Variants in DSTN observed in about 807,000 individuals in gnomAD.
DSTN encodes destrin, actin depolymerizing factor.
Under a neutral mutation model 16.8 loss-of-function variants are expected in DSTN, and 10 were observed. The observed-to-expected ratio is 0.60, with a 90% CI of 0.37 to 1.01. The LOEUF (loss-of-function observed/expected upper bound fraction) is 1.01, where lower values mean the gene tolerates loss of function less well. Ranked by LOEUF, DSTN falls within the 50% of genes least tolerant of loss-of-function variation. The probability of loss-of-function intolerance (pLI) is 0.01; values close to 1 mark genes in which losing one functional copy is unlikely to be tolerated. For synonymous variants in DSTN, 57 were observed against 58.9 expected, an observed-to-expected ratio of 0.97 and a Z score of 0.14; for missense variants, 141 against 196.7, an observed-to-expected ratio of 0.72 and a Z score of 1.69.
chr20:17,597,221 GT>G (rs1406664058), intron 1 of DSTN, among the ~76,000 whole-genome samples: 1 of 152,198 alleles, frequency 6.6e-6, no homozygotes, highest in Non-Finnish European at 1.5e-5. Flanking sequence ...AATTAGGAAT[GT>G]GGTAATATTG....
intron 1 of DSTN, among the ~76,000 whole-genome samples, chr20:17,583,077 T>A (rs1431056056): frequency 6.6e-6 from 1 of 152,190 alleles, no homozygotes; most frequent in African/African-American, 2.4e-5. Flanking sequence ...TGCAAATGAC[T>A]AATAAGCCAA....
intron 1 of DSTN, among the ~76,000 whole-genome samples, chr20:17,592,711 A>G (rs551447782): frequency 3.9e-5 from 6 of 152,316 alleles, no homozygotes; most frequent in African/African-American, 1.2e-4. Context: ...CAGTGGGGAA[A>G]TTAAGGAAAG....
Position 17,600,943 on chromosome 20 carries a change from A to T in DSTN, c.209A>T (p.His70Leu). Residue 70 changes from histidine (H) to leucine (L), a missense_variant, in exon 2 of 4, where the codon CAT (histidine) becomes CTT (leucine). Coordinates refer to ENST00000246069, the MANE Select transcript of DSTN (RefSeq NM_006870.4). ...GTAACCATAACTGATCCTTTCAAGCATTTTGTGGGAATGCTTCCTGAAAAA... is the reference window on the plus strand; with the variant it reads ...GTAACCATAACTGATCCTTTCAAGCTTTTTGTGGGAATGCTTCCTGAAAAA... ...VGVTITDPFK[H>L]FVGMLPEKDC... 6.2e-7 allele frequency: 1 copy of T among 1,614,092 alleles called. No homozygotes were observed. The highest frequency in any genetic ancestry group is 8.5e-7 in the Non-Finnish European group (1 of 1,179,968).
At chr20:17,585,371 A>C (rs2035393936) in intron 1 of DSTN, among the ~76,000 whole-genome samples, 1 of 152,218 alleles carries the variant, frequency 6.6e-6, no homozygotes, top group African/African-American at 2.4e-5. Context: ...CAGGTAGATT[A>C]GTTAACCAGC....
At chr20:17,585,616 A>G (rs1461215399) in intron 1 of DSTN, among the ~76,000 whole-genome samples, 1 of 152,146 alleles carries the variant, frequency 6.6e-6, no homozygotes, top group Non-Finnish European at 1.5e-5. Flanking sequence ...AAGTTCTGGA[A>G]GTTTTGACAC....
chr20:17,606,977 TAGAGAA>T, intron 3 of DSTN, 54 bp from the exon 4 acceptor site: 7 of 1,565,326 alleles, frequency 4.5e-6, no homozygotes, highest in Non-Finnish European at 6.1e-6. Flanking sequence ...TTGGTTATCT[TAGAGAA>T]AGAGGTAAAC....
intron 1 of DSTN, among the ~76,000 whole-genome samples, chr20:17,594,960 C>T (rs1381389541): frequency 6.6e-6 from 1 of 152,144 alleles, no homozygotes; most frequent in Admixed American, 6.5e-5. Flanking sequence ...GCCTTTGAGA[C>T]ACACAACTGG....
At chr20:17,592,230 A>G (rs2035477341) in intron 1 of DSTN, among the ~76,000 whole-genome samples, 1 of 152,106 alleles carries the variant, frequency 6.6e-6, no homozygotes, top group Admixed American at 6.5e-5. Context: ...GTTCGAGACC[A>G]GTCTGGGCAA....
intron 1 of DSTN, among the ~76,000 whole-genome samples, chr20:17,587,977 A>G (rs1307834678): frequency 6.6e-6 from 1 of 152,250 alleles, no homozygotes; most frequent in Admixed American, 6.5e-5. Flanking sequence ...TCTTCACCTT[A>G]TGTAAAATGC....
At position 17,609,887 on chromosome 20, in the gene DSTN, AAGC is replaced by A. The variant is rs2035681187; in HGVS notation, c.*2746_*2748del. 6.6e-6 allele frequency: 1 copy of A among 152,260 alleles called. No individual in the cohort carries two copies. The highest frequency in any genetic ancestry group is 2.4e-5 in the African/African-American group (1 of 41,472). 9.4% of individuals were successfully genotyped at this position (152,260 alleles called of 1,614,324 possible). ...TAGCGGTTACTCTCTTGCCCTGACA[AAGC>A]AGCAAATAAAGCCATTGCTAACAAT... On this transcript the variant is annotated 3_prime_UTR_variant, in exon 4 of 4. Coordinates refer to ENST00000246069, the MANE Select transcript of DSTN (RefSeq NM_006870.4).
At chr20:17,594,834 A>G (rs961507285) in intron 1 of DSTN, among the ~76,000 whole-genome samples, 1 of 152,240 alleles carries the variant, frequency 6.6e-6, no homozygotes, top group African/African-American at 2.4e-5. Context: ...TGCTAAGAAC[A>G]TCTCTTAGGC....
chr20:17,586,348 G>A (rs1006448371), intron 1 of DSTN, among the ~76,000 whole-genome samples: 3 of 152,154 alleles, frequency 2.0e-5, no homozygotes, highest in African/African-American at 7.2e-5. Flanking sequence ...TAGGAAAAGG[G>A]ACATATTTTA....
intron 1 of DSTN, among the ~76,000 whole-genome samples, chr20:17,572,335 C>T (rs117266615): frequency 0.012 from 1,761 of 151,804 alleles, 16 homozygotes; most frequent in Non-Finnish European, 0.019. Context: ...CCAAACAAAA[C>T]GTGTGTGTGT....
In DSTN at chr20:17,601,742, A is replaced by C. The variant is rs529494148; in HGVS notation, c.311+697A>C. Among the ~76,000 whole-genome samples, 49 of 152,216 alleles carry C rather than the reference A, an allele frequency of 3.2e-4. 1 individual carries two copies. The highest frequency in any genetic ancestry group is 1.1e-3 in the African/African-American group (47 of 41,554). On this transcript the variant is annotated intron_variant, in intron 2 of 3. Coordinates refer to ENST00000246069, the MANE Select transcript of DSTN (RefSeq NM_006870.4). ...GAAACAGGGCTATAAAGTTATTTTT[A>C]TGGCCTTTTTCTTGAAATGTTGTTT... is the stretch of plus-strand genomic sequence containing the variant.
At chr20:17,581,512 A>G (rs1368525925) in intron 1 of DSTN, among the ~76,000 whole-genome samples, 2 of 152,088 alleles carry the variant, frequency 1.3e-5, no homozygotes, top group Middle Eastern at 3.2e-3. Flanking sequence ...ACAACCAACT[A>G]TTGCTTTATT....
At chr20:17,584,492 A>C (rs1044157356) in intron 1 of DSTN, among the ~76,000 whole-genome samples, 14 of 152,252 alleles carry the variant, frequency 9.2e-5, no homozygotes, top group African/African-American at 3.4e-4. Context: ...TCTACTAAAA[A>C]TACAAAAAAA....
intron 1 of DSTN, among the ~76,000 whole-genome samples, chr20:17,570,433 C>T (rs1225494961): frequency 6.6e-6 from 1 of 152,196 alleles, no homozygotes; most frequent in African/African-American, 2.4e-5. Context: ...GCGGCTGTTG[C>T]GCAGCTCCCA....
chr20:17,586,397 A>G (rs1382740165), intron 1 of DSTN, among the ~76,000 whole-genome samples: 1 of 152,218 alleles, frequency 6.6e-6, no homozygotes, highest in Non-Finnish European at 1.5e-5. Flanking sequence ...ACCCAGTTTC[A>G]TCATTGCAGA....
At chr20:17,575,668 G>A (rs1042895236) in intron 1 of DSTN, among the ~76,000 whole-genome samples, 6 of 151,954 alleles carry the variant, frequency 3.9e-5, no homozygotes, top group Non-Finnish European at 7.4e-5. Context: ...ATATAAAGAT[G>A]GGATTTATAA....
Sources: gnomAD v4.1 joint callset for allele counts (sites outside exome capture counted in the v4.1 genomes callset) on GRCh38, gnomAD v4.1.1 for gene constraint, MANE v1.5 for transcripts, NCBI Gene and HGNC (gene_info 2026-07-23, HGNC 2026-07-21) for gene names.